The following MIGA1 variants were observed in gnomAD, a reference collection of about 807,000 sequenced individuals.
The protein encoded by MIGA1 is mitoguardin 1, also known as family with sequence similarity 73, member A.
A neutral mutation model predicts 82.0 loss-of-function variants in MIGA1; 58 were observed. The observed-to-expected ratio is 0.71, with a 90% confidence interval of 0.57 to 0.88. The LOEUF (loss-of-function observed/expected upper bound fraction) is 0.88, where lower values mean the gene tolerates loss of function less well. MIGA1 is among the 40% of genes least tolerant of loss of function. MIGA1 has a pLI of 0.00. For missense variants in MIGA1, 751 were observed against 749.1 expected (o/e 1.00, Z -0.03); for synonymous variants, 249 against 253.6 (o/e 0.98, Z 0.17).
chr1:77,779,806 G>T (rs928298377), intron 1 of MIGA1, 70 bp downstream of exon 1: 79 of 1,495,164 alleles, frequency 5.3e-5, no homozygotes, highest in Non-Finnish European at 6.3e-5. Flanking sequence ...CGGCCACGCA[G>T]TTGGGGCAGA....
chr1:77,844,110 A>AT (rs1557924122), intron 8 of MIGA1, among the ~76,000 whole-genome samples: 59 of 50,456 alleles, frequency 1.2e-3, no homozygotes, highest in African/African-American at 3.5e-3. Context: ...TAAAAAAAAA[A>AT]AAAATATATA....
rs1376171260 is a variant in MIGA1, at chr1:77,801,485, C to G, written c.350C>G (p.Thr117Ser). Residue 117 changes from threonine to serine, a missense_variant, in exon 3 of 16, where the codon ACT becomes AGT. By Grantham distance (58) the Thr-to-Ser change is moderately conservative. Transcript: ENST00000370791. ...CCAGAGCACCTCATACTTGAATACA[C>G]TAAAAGAGCAGCATCAGACAAAGGT... The G allele has an allele frequency of 5.0e-6, 8 of 1,598,994 alleles. No individual in the cohort carries two copies. The highest frequency in any genetic ancestry group is 5.1e-6 in the Non-Finnish European group (6 of 1,177,074).
intron 2 of MIGA1, among the ~76,000 whole-genome samples, chr1:77,798,333 A>G (rs1260966041): frequency 2.0e-5 from 3 of 152,174 alleles, no homozygotes; most frequent in Non-Finnish European, 4.4e-5. Context: ...CACTCTGCTG[A>G]TAAAGACATA....
intron 5 of MIGA1, 114 bp from the exon 6 acceptor site, chr1:77,813,620 T>C: frequency 9.3e-7 from 1 of 1,079,160 alleles, no homozygotes; most frequent in Non-Finnish European, 1.3e-6. Flanking sequence ...GATTCTTTAG[T>C]GTCAAAATTA....
chr1:77,828,839 A>AT (rs991072139), intron 7 of MIGA1, among the ~76,000 whole-genome samples: 7 of 151,750 alleles, frequency 4.6e-5, no homozygotes, highest in South Asian at 4.2e-4. Context: ...CACCCAGCTA[A>AT]TTTTTTTTGT....
intron 7 of MIGA1, among the ~76,000 whole-genome samples, chr1:77,820,585 T>C (rs1683766901): frequency 6.6e-6 from 1 of 152,194 alleles, no homozygotes; most frequent in African/African-American, 2.4e-5. Context: ...GACCATCATT[T>C]TACCTCTAGA....
At chr1:77,810,883 T>C (rs1683300272) in intron 5 of MIGA1, 1 of 1,611,704 alleles carries the variant, frequency 6.2e-7, no homozygotes, top group Admixed American at 1.7e-5. Flanking sequence ...CAAAGTTTGA[T>C]GTAGATGAAG....
intron 10 of MIGA1, 36 bp from the exon 11 acceptor site, chr1:77,860,004 G>C (rs772840811): frequency 7.4e-7 from 1 of 1,350,160 alleles, no homozygotes. Flanking sequence ...ATTCATTATA[G>C]GTCTCTTTTT....
intron 8 of MIGA1, chr1:77,847,935 G>C: frequency 7.3e-7 from 1 of 1,370,180 alleles, no homozygotes; most frequent in South Asian, 1.2e-5. Flanking sequence ...GTGAACTGCA[G>C]AAGGGAAAAG....
At chr1:77,807,362 G>A (rs1683141294) in intron 5 of MIGA1, among the ~76,000 whole-genome samples, 1 of 152,078 alleles carries the variant, frequency 6.6e-6, no homozygotes, top group Admixed American at 6.5e-5. Flanking sequence ...ATGGGGTTTT[G>A]TCATGTTGCC....
At chr1:77,803,228 G>T in intron 3 of MIGA1, 42 bp from the exon 4 acceptor site, 1 of 1,269,802 alleles carries the variant, frequency 7.9e-7, no homozygotes, top group Non-Finnish European at 1.0e-6. Context: ...ATTTATCATT[G>T]GCGTTATTGA....
chr1:77,815,291 A>T, intron 7 of MIGA1, 60 bp downstream of exon 7: 2 of 1,365,258 alleles, frequency 1.5e-6, no homozygotes, highest in Non-Finnish European at 2.0e-6. Context: ...ATATCCTTGG[A>T]ATCATCTGCA....
intron 7 of MIGA1, among the ~76,000 whole-genome samples, chr1:77,832,819 T>A (rs1025824687): frequency 6.6e-6 from 1 of 152,222 alleles, no homozygotes; most frequent in African/African-American, 2.4e-5. Flanking sequence ...ATCAAATTTA[T>A]GAGTTTGAAG....
chr1:77,787,276 A>G (rs1330337143), intron 2 of MIGA1, among the ~76,000 whole-genome samples: 1 of 152,140 alleles, frequency 6.6e-6, no homozygotes, highest in African/African-American at 2.4e-5. Context: ...AAGGTAGTAT[A>G]TCCTTCTGGT....
intron 7 of MIGA1, among the ~76,000 whole-genome samples, chr1:77,833,275 C>G (rs1340598476): frequency 6.6e-6 from 1 of 152,184 alleles, no homozygotes; most frequent in African/African-American, 2.4e-5. Flanking sequence ...TCTAAATATA[C>G]AGAGTACACA....
intron 8 of MIGA1, 112 bp downstream of exon 8, chr1:77,843,519 G>A: frequency 2.7e-6 from 2 of 742,522 alleles, no homozygotes; most frequent in Non-Finnish European, 2.3e-6. Context: ...CACGTACCAT[G>A]TGGTAGGTGC....
intron 2 of MIGA1, among the ~76,000 whole-genome samples, chr1:77,792,516 CAA>C (rs777113102): frequency 2.0e-5 from 3 of 152,086 alleles, no homozygotes; most frequent in Non-Finnish European, 2.9e-5. Context: ...ACTTAGGACA[CAA>C]AGTTTCTACA....
At chr1:77,826,878 C>G (rs1025661616) in intron 7 of MIGA1, among the ~76,000 whole-genome samples, 1 of 151,740 alleles carries the variant, frequency 6.6e-6, no homozygotes, top group African/African-American at 2.4e-5. Context: ...ATTCTTGGCT[C>G]ACTGCAACCT....
intron 5 of MIGA1, among the ~76,000 whole-genome samples, chr1:77,808,102 G>A (rs1039187713): frequency 1.3e-5 from 2 of 150,304 alleles, no homozygotes; most frequent in Non-Finnish European, 3.0e-5. Flanking sequence ...TTACAGGCGT[G>A]AGCCACCTCA....
Sources: gnomAD v4.1 joint callset for allele counts (sites outside exome capture counted in the v4.1 genomes callset) on GRCh38, gnomAD v4.1.1 for gene constraint, MANE v1.5 for transcripts, NCBI Gene and HGNC (gene_info 2026-07-23, HGNC 2026-07-21) for gene names.